CLECL1: variants seen among roughly 807,000 people sequenced by gnomAD.
CLECL1 encodes C-type lectin like 1.
At chr12:9,713,524 G>C (rs923494702), downstream of CLECL1, among the ~76,000 whole-genome samples, 1 of 152,190 alleles carries the variant, frequency 6.6e-6, no homozygotes, top group Admixed American at 6.5e-5. Flanking sequence ...TTACTTTCTT[G>C]TTGTTTTTTT....
the CLECL1 span, among the ~76,000 whole-genome samples, chr12:9,709,897 C>A: frequency 6.6e-6 from 1 of 152,136 alleles, no homozygotes; most frequent in East Asian, 1.9e-4. Flanking sequence ...CTACCTTGGT[C>A]TTTTATAATA....
chr12:9,725,649 G>A (rs1245519121), intron 3 of CLECL1, among the ~76,000 whole-genome samples: 1 of 152,044 alleles, frequency 6.6e-6, no homozygotes, highest in African/African-American at 2.4e-5. Context: ...GAACTTCAAT[G>A]CATAAAACGT....
At chr12:9,707,737 C>G in the CLECL1 span, among the ~76,000 whole-genome samples, 2 of 152,206 alleles carry the variant, frequency 1.3e-5, no homozygotes, top group Admixed American at 1.3e-4. Flanking sequence ...ACTATGGGGT[C>G]TGCTTTTCTT....
At chr12:9,719,659 C>T (rs1391036471), downstream of CLECL1, among the ~76,000 whole-genome samples, 1 of 152,084 alleles carries the variant, frequency 6.6e-6, no homozygotes, top group Non-Finnish European at 1.5e-5. Context: ...TCCCTTGAGC[C>T]CAGGAGTTCA....
chr12:9,708,005 C>T, the CLECL1 span, among the ~76,000 whole-genome samples: 2,091 of 152,264 alleles, frequency 0.014, 37 homozygotes, highest in African/African-American at 0.041. Context: ...GGGCACCTCC[C>T]GTTACCCTTT....
intron 1 of CLECL1, among the ~76,000 whole-genome samples, chr12:9,731,065 A>G (rs1171906829): frequency 2.0e-5 from 3 of 152,242 alleles, no homozygotes; most frequent in African/African-American, 4.8e-5. Context: ...TTTCATAAAA[A>G]GACTAACATA....
downstream of CLECL1, among the ~76,000 whole-genome samples, chr12:9,713,380 T>C (rs892770784): frequency 2.0e-5 from 3 of 152,260 alleles, no homozygotes; most frequent in Non-Finnish European, 2.9e-5. Context: ...TAGTTCTTTT[T>C]AGTGCCTGTT....
At chr12:9,722,395 T>C, downstream of CLECL1, 1 of 541,394 alleles carries the variant, frequency 1.8e-6, no homozygotes, top group Non-Finnish European at 2.8e-6. Flanking sequence ...TGAAATCTGC[T>C]AAGAAGCAAT....
chr12:9,714,121 G>A (rs2121034217), downstream of CLECL1, among the ~76,000 whole-genome samples: 1 of 152,304 alleles, frequency 6.6e-6, no homozygotes, highest in South Asian at 2.1e-4. Flanking sequence ...GGTTTTATTA[G>A]TAATAATTTC....
downstream of CLECL1, among the ~76,000 whole-genome samples, chr12:9,720,936 T>C (rs935339481): frequency 2.0e-5 from 3 of 152,246 alleles, no homozygotes; most frequent in Admixed American, 1.3e-4. Flanking sequence ...CTCTCTCGCA[T>C]GTGCCTGTCA....
chr12:9,733,155 G>C (rs755854874), upstream of CLECL1: 15 of 1,614,046 alleles, frequency 9.3e-6, no homozygotes, highest in South Asian at 1.6e-4. Context: ...CCCCAAGTGG[G>C]TGGTGGACTT....
At chr12:9,724,184 GAAAAAA>G (rs71045296) in intron 3 of CLECL1, among the ~76,000 whole-genome samples, 1 of 130,148 alleles carries the variant, frequency 7.7e-6, no homozygotes, top group African/African-American at 2.8e-5. Context: ...GCAACTCCAT[GAAAAAA>G]AAAAAAAGAA....
intron 2 of CLECL1, among the ~76,000 whole-genome samples, chr12:9,727,808 GA>G (rs1300648502): frequency 6.6e-6 from 1 of 151,644 alleles, no homozygotes; most frequent in Non-Finnish European, 1.5e-5. Context: ...AAATTTAAGA[GA>G]AAAACATAAC....
At chr12:9,727,234 G>A (rs1866390545) in intron 3 of CLECL1, among the ~76,000 whole-genome samples, 2 of 151,694 alleles carry the variant, frequency 1.3e-5, no homozygotes, top group South Asian at 4.1e-4. Context: ...CATCTGCAAT[G>A]ACCATGAATT....
chr12:9,730,120 G>C (rs1866429082), intron 1 of CLECL1, among the ~76,000 whole-genome samples: 1 of 152,150 alleles, frequency 6.6e-6, no homozygotes, highest in African/African-American at 2.4e-5. Context: ...AAATGTTAGA[G>C]ATTATTTTAA....
chr12:9,719,382 T>C (rs188721788), downstream of CLECL1, among the ~76,000 whole-genome samples: 74 of 152,100 alleles, frequency 4.9e-4, 1 homozygote, highest in East Asian at 0.013. Flanking sequence ...AAAAATTAGC[T>C]GGGCGTGGTG....
intron 1 of CLECL1, among the ~76,000 whole-genome samples, chr12:9,730,139 C>T (rs1429546783): frequency 2.6e-5 from 4 of 152,112 alleles, no homozygotes; most frequent in Non-Finnish European, 4.4e-5. Context: ...AACGCAATAC[C>T]CACGTGTTAA....
chr12:9,727,740 T>C (rs1866396959), intron 2 of CLECL1, among the ~76,000 whole-genome samples: 1 of 151,854 alleles, frequency 6.6e-6, no homozygotes, highest in Non-Finnish European at 1.5e-5. Flanking sequence ...CATTAGTCTG[T>C]AGTTATTCCA....
downstream of CLECL1, among the ~76,000 whole-genome samples, chr12:9,719,164 G>A (rs149894081): frequency 1.3e-5 from 2 of 152,304 alleles, no homozygotes; most frequent in African/African-American, 4.8e-5. Context: ...GCCAGGTGCG[G>A]TGGCTCATGC....
Sources: allele counts gnomAD v4.1 joint callset (sites outside exome capture counted in the v4.1 genomes callset), GRCh38; gene constraint gnomAD v4.1.1; transcripts MANE v1.5; gene names NCBI Gene and HGNC (gene_info 2026-07-23, HGNC 2026-07-21).